Variants in JPH1 observed in about 807,000 individuals in gnomAD.
JPH1 encodes the protein junctophilin-1.
JPH1 carries 12 observed loss-of-function variants against 53.6 expected under a neutral mutation model. That is an observed-to-expected ratio of 0.22 (90% CI 0.14 to 0.36). The LOEUF (loss-of-function observed/expected upper bound fraction) is 0.36. Ranked by LOEUF, JPH1 falls within the 10% of genes least tolerant of loss-of-function variation. The pLI, the probability that JPH1 is intolerant of heterozygous loss-of-function variation, is 1.00. For missense variants in JPH1, 808 were observed against 905.5 expected (o/e 0.89, Z 1.38); for synonymous variants, 375 against 363.8 (o/e 1.03, Z -0.35).
At chr8:74,264,538 C>T (rs1368190257) in intron 2 of JPH1, among the ~76,000 whole-genome samples, 1 of 152,060 alleles carries the variant, frequency 6.6e-6, no homozygotes, top group Non-Finnish European at 1.5e-5. Flanking sequence ...CTATTATGCC[C>T]CGTGTTACAC....
At position 74,315,571 on chromosome 8, in the gene JPH1, C is replaced by T. The variant is rs374931775; in HGVS notation, c.429G>A (p.Val143=). 45 of 1,605,254 alleles carry T rather than the reference C, an allele frequency of 2.8e-5. No homozygotes were observed. Among genetic ancestry groups the T allele is most frequent in the Non-Finnish European group, 3.7e-5 (44 of 1,178,526 alleles). ...CCATGCCGTAGGGCACGCTCTGGCG[C>T]ACGCCGTAGCCATGCCGCATGCCTC... ...WAGGMRHGYG[V]RQSVPYGMAT... is the part of the protein sequence containing the mutation. The change falls in exon 2 of 6, where the codon GTG becomes GTA. Residue 143 remains valine, a synonymous_variant. Coordinates refer to ENST00000342232, the MANE Select transcript of JPH1 (RefSeq NM_020647.4). The surrounding 1 kb of genome is among the most constrained non-coding windows in gnomAD (Gnocchi z 6.3).
At chr8:74,269,150 TTC>T (rs1806624471) in intron 2 of JPH1, among the ~76,000 whole-genome samples, 1 of 152,220 alleles carries the variant, frequency 6.6e-6, no homozygotes, top group Admixed American at 6.5e-5. Flanking sequence ...CCTCACTTTG[TTC>T]TGTCTAGATA....
At chr8:74,260,496 T>C (rs1317059619) in intron 2 of JPH1, among the ~76,000 whole-genome samples, 2 of 152,236 alleles carry the variant, frequency 1.3e-5, no homozygotes, top group Admixed American at 6.5e-5. Context: ...TATGACTTTG[T>C]AAATTTTCTA....
intron 2 of JPH1, among the ~76,000 whole-genome samples, chr8:74,293,860 T>C (rs940184503): frequency 2.6e-5 from 4 of 152,110 alleles, no homozygotes; most frequent in Admixed American, 2.0e-4. Flanking sequence ...AAAAATAGGA[T>C]AGTCTGGACC....
At chr8:74,263,886 A>G (rs924579671) in intron 2 of JPH1, among the ~76,000 whole-genome samples, 2 of 152,196 alleles carry the variant, frequency 1.3e-5, no homozygotes, top group African/African-American at 4.8e-5. Context: ...GAGAAAACCA[A>G]TTATCCTGTG....
At chr8:74,253,206 T>C (rs1806119352) in intron 3 of JPH1, among the ~76,000 whole-genome samples, 1 of 152,108 alleles carries the variant, frequency 6.6e-6, no homozygotes, top group Non-Finnish European at 1.5e-5. Flanking sequence ...CAGACCACAG[T>C]GCAATCAAAC....
chr8:74,261,346 A>G (rs1390226577), intron 2 of JPH1, among the ~76,000 whole-genome samples: 1 of 152,160 alleles, frequency 6.6e-6, no homozygotes, highest in Non-Finnish European at 1.5e-5. Flanking sequence ...GCATGAGGAG[A>G]GGAGGTGTAT....
chr8:74,272,690 G>A (rs1405334455), intron 2 of JPH1, among the ~76,000 whole-genome samples: 3 of 144,374 alleles, frequency 2.1e-5, no homozygotes, highest in African/African-American at 5.2e-5. Flanking sequence ...TGCAAGCTCC[G>A]CCTCCCGGGT....
intron 2 of JPH1, among the ~76,000 whole-genome samples, chr8:74,313,533 C>T (rs1288228382): frequency 6.7e-6 from 1 of 148,236 alleles, no homozygotes; most frequent in Non-Finnish European, 1.5e-5. Context: ...GGTAGCCCTA[C>T]TTATTTTTTA....
At chr8:74,237,707 C>A (rs1482268616) in intron 4 of JPH1, among the ~76,000 whole-genome samples, 1 of 152,110 alleles carries the variant, frequency 6.6e-6, no homozygotes, top group Non-Finnish European at 1.5e-5. Flanking sequence ...AGTTAGAACA[C>A]GAGAGCAAAA....
intron 2 of JPH1, among the ~76,000 whole-genome samples, chr8:74,267,875 G>C (rs921372519): frequency 2.6e-5 from 4 of 152,186 alleles, no homozygotes; most frequent in African/African-American, 9.6e-5. Flanking sequence ...GGAGTTAAGT[G>C]CTGGATGAGC....
In JPH1 at chr8:74,245,374, G is replaced by A. The variant is rs7839428; in HGVS notation, c.1259-199C>T. On this transcript the variant is annotated intron_variant, in intron 3 of 5. Transcript: ENST00000342232. ...GATAATACAGAATCTAAACAGTTCTGGCTTCCCTGATAATTGCATTCTTTC... is the reference window on the plus strand; with the variant it reads ...GATAATACAGAATCTAAACAGTTCTAGCTTCCCTGATAATTGCATTCTTTC... Among the ~76,000 whole-genome samples the A allele has an allele frequency of 4.3e-3, 651 of 152,198 alleles. 3 individuals are homozygous for A. Among genetic ancestry groups the A allele is most frequent in the African/African-American group, 0.015 (622 of 41,522 alleles).
intron 4 of JPH1, among the ~76,000 whole-genome samples, chr8:74,240,405 G>A (rs1246544908): frequency 6.8e-6 from 1 of 147,098 alleles, no homozygotes; most frequent in Non-Finnish European, 1.5e-5. Context: ...TCTCCCCTAC[G>A]TCTTCACTTT....
chr8:74,310,852 T>G (rs1447667200), intron 2 of JPH1, among the ~76,000 whole-genome samples: 1 of 152,134 alleles, frequency 6.6e-6, no homozygotes, highest in Non-Finnish European at 1.5e-5. Context: ...AAATAACAAA[T>G]AAAAGTCTCT....
intron 4 of JPH1, among the ~76,000 whole-genome samples, chr8:74,243,391 T>C (rs1330523995): frequency 6.6e-6 from 1 of 152,258 alleles, no homozygotes; most frequent in Non-Finnish European, 1.5e-5. Context: ...GAATAATTTA[T>C]GTTTAGCTAA....
rs548372609 is a variant in JPH1, at chr8:74,319,753, A to C, written c.379+1156T>G. 1.2e-4 allele frequency among the ~76,000 whole-genome samples: 19 copies of C among 152,322 alleles called. No homozygotes were observed. In the East Asian group the frequency reaches 3.1e-3, roughly 25 times the overall value. ...ATCCCTTTAATATCCTCCAACTCTG[A>C]GCTGCTTAATTCCAAAAAGTGATGT... On this transcript the variant is annotated intron_variant, in intron 1 of 5. Coordinates refer to ENST00000342232, the MANE Select transcript of JPH1 (RefSeq NM_020647.4).
At chr8:74,314,828 C>T (rs1439868069) in intron 2 of JPH1, 33 bp downstream of exon 2, 4 of 1,611,848 alleles carry the variant, frequency 2.5e-6, no homozygotes, top group African/African-American at 1.3e-5. Context: ...TTCTGACCAA[C>T]CCAGCAAAAC....
In JPH1 at chr8:74,315,315, T is replaced by G; in HGVS notation, c.685A>C (p.Lys229Gln). 1 of 1,613,912 alleles carries G rather than the reference T, an allele frequency of 6.2e-7. No individual in the cohort carries two copies. The highest frequency in any genetic ancestry group is 8.5e-7 in the Non-Finnish European group (1 of 1,180,038). ...CTGCGCTTGCTCGAGATGGAAGACTTGGATTCGGACTTGCGAAGTTTCATG... is the reference window on the plus strand; with the variant it reads ...CTGCGCTTGCTCGAGATGGAAGACTGGGATTCGGACTTGCGAAGTTTCATG... ...GSMKLRKSES[K>Q]SSISSKRSSV... Residue 229 changes from lysine to glutamine, a missense_variant, in exon 2 of 6, where the codon AAG becomes CAG. Physicochemically the swap from Lys to Gln is moderately conservative, Grantham distance 53. Around this residue, in one of 2 missense-constraint regions of JPH1, gnomAD observed 756 missense variants for 811.9 expected, o/e 0.93. Coordinates refer to ENST00000342232, the MANE Select transcript of JPH1 (RefSeq NM_020647.4). The surrounding 1 kb of genome is among the most constrained non-coding windows in gnomAD (Gnocchi z 6.3).
At chr8:74,256,754 G>C (rs1429910704) in intron 3 of JPH1, among the ~76,000 whole-genome samples, 1 of 152,122 alleles carries the variant, frequency 6.6e-6, no homozygotes, top group Non-Finnish European at 1.5e-5. Context: ...AAAAAGTCAG[G>C]AAACAACAGA....
Sources: gnomAD v4.1 joint callset for allele counts (sites outside exome capture counted in the v4.1 genomes callset) on GRCh38, gnomAD v4.1.1 for gene constraint, gnomAD v4.1.1 regional missense constraint, Gnocchi (gnomAD v3.1) non-coding constraint, MANE v1.5 for transcripts, NCBI Gene and HGNC (gene_info 2026-07-23, HGNC 2026-07-21) for gene names.